FAM83G: variants seen among roughly 807,000 people sequenced by gnomAD.
The protein encoded by FAM83G is scaffolding CK1 anchoring protein G.
FAM83G carries 38 observed loss-of-function variants against 61.5 expected under a neutral mutation model. The observed-to-expected ratio is 0.62, with a 90% confidence interval of 0.48 to 0.81. The LOEUF is 0.81. Among genes scored for constraint, FAM83G ranks in the 30% least tolerant of loss-of-function variants. The probability of loss-of-function intolerance (pLI) is 0.00; values close to 1 mark genes in which losing one functional copy is unlikely to be tolerated. For missense variants in FAM83G, 989 were observed against 1,133.6 expected, an observed-to-expected ratio of 0.87 and a Z score of 1.83; for synonymous variants, 470 against 476.1, an observed-to-expected ratio of 0.99 and a Z score of 0.17.
At chr17:18,982,706 A>G (rs2043170140) in intron 3 of FAM83G, among the ~76,000 whole-genome samples, 1 of 152,176 alleles carries the variant, frequency 6.6e-6, no homozygotes, top group East Asian at 1.9e-4. Context: ...TCCAGGCCAC[A>G]TGTGCTTAAA....
At chr17:18,979,802 A>G in intron 3 of FAM83G, 129 bp from the exon 4 acceptor site, 1 of 1,060,226 alleles carries the variant, frequency 9.4e-7, no homozygotes, top group Non-Finnish European at 1.4e-6. Context: ...AAGAGGCTGT[A>G]AGGCCTGGAG....
intron 2 of FAM83G, among the ~76,000 whole-genome samples, chr17:18,993,613 C>T (rs2043487379): frequency 6.6e-6 from 1 of 152,208 alleles, no homozygotes. Context: ...ACCTGGAGCC[C>T]TGAAGCAGCC....
In FAM83G at chr17:18,977,846, C is replaced by CG. The variant is rs753077917; in HGVS notation, c.1819dup (p.Arg607ProfsTer103). On this transcript the variant is annotated frameshift_variant, in exon 5 of 6. Coordinates refer to ENST00000388995, the MANE Select transcript of FAM83G (RefSeq NM_001039999.3). LOFTEE classifies it high-confidence loss of function. ...CACAGAGGAAGCCACTGAGGGCCGT[C>CG]GGGGGCCAGGGCCACGGCCGGAGCT... 10 of 1,610,836 alleles carry CG rather than the reference C, an allele frequency of 6.2e-6. No homozygotes were observed. The highest frequency in any genetic ancestry group is 7.6e-6 in the Non-Finnish European group (9 of 1,179,358).
chr17:18,977,669 G>A lies in FAM83G; in HGVS notation c.1997C>T (p.Ser666Phe), dbSNP rs968273750. ...TCTTCCCCGACTCTGGGCCCATGGG[G>A]AGCCACCCTGGGGTCCAACAAAGGT... ...RGTFVGPQGG[S>F]PWAQSRGREE... The change falls in exon 5 of 6, where the codon TCC (serine) becomes TTC (phenylalanine). Residue 666 changes from serine (S) to phenylalanine (F), a missense_variant. Physicochemically the swap from Ser to Phe is radical, Grantham distance 155 (BLOSUM62 -2). This residue lies in a region of FAM83G where 574 missense variants were observed against 645.1 expected (regional missense o/e 0.89). Transcript: ENST00000388995. 1 of 1,610,374 alleles carries A rather than the reference G, an allele frequency of 6.2e-7. No individual in the cohort carries two copies. The highest frequency in any genetic ancestry group is 1.3e-5 in the African/African-American group (1 of 75,058).
In FAM83G at chr17:18,971,002, G is replaced by A. The variant is rs1424704787; in HGVS notation, c.*357C>T. 1 of 1,613,550 alleles carries A rather than the reference G, an allele frequency of 6.2e-7. No individual in the cohort carries two copies. Among genetic ancestry groups the A allele is most frequent in the Non-Finnish European group, 8.5e-7 (1 of 1,179,940 alleles). ...CACCAAACTGTCCCTGTTCCACCCT[G>A]ACCCCTCCAGCTTTTGACCAGATCG... On this transcript the variant is annotated 3_prime_UTR_variant, in exon 6 of 6. Coordinates refer to ENST00000388995, the MANE Select transcript of FAM83G (RefSeq NM_001039999.3). This position sits in a 1 kb window ranked among gnomAD's most constrained non-coding sequence, Gnocchi z 5.5.
intron 2 of FAM83G, among the ~76,000 whole-genome samples, chr17:18,991,128 C>T (rs2043411413): frequency 1.3e-5 from 2 of 152,226 alleles, no homozygotes; most frequent in Admixed American, 1.3e-4. Flanking sequence ...CAGAGGCATT[C>T]GCCACCTTGC....
chr17:19,003,703 C>A lies in FAM83G; in HGVS notation c.339G>T (p.Pro113=), dbSNP rs1220167076. The part of the protein sequence containing the change: ...GADGVPIEAE[P]LPSLEYWPQK... ...GGGGCCAGTACTCCAGGGAGGGCAG[C>A]GGCTCGGCCTCGATGGGGACCCCAT... The change falls in exon 2 of 6, where the codon CCG becomes CCT. Residue 113 remains proline, a synonymous_variant. Coordinates refer to ENST00000388995, the MANE Select transcript of FAM83G (RefSeq NM_001039999.3). The surrounding 1 kb of genome is among the most constrained non-coding windows in gnomAD (Gnocchi z 4.5). 1.9e-5 allele frequency: 30 copies of A among 1,605,708 alleles called. No individual in the cohort carries two copies. Among genetic ancestry groups the A allele is most frequent in the Non-Finnish European group, 2.6e-5 (30 of 1,176,104 alleles).
intron 3 of FAM83G, chr17:18,986,299 G>T (rs2043266870): frequency 6.6e-6 from 1 of 152,254 alleles, no homozygotes. Flanking sequence ...AAGGATAAGA[G>T]AAATTAATAT....
At position 18,996,390 on chromosome 17, in the gene FAM83G, G is replaced by A. The variant is rs2043573786; in HGVS notation, c.522+7130C>T. Among the ~76,000 whole-genome samples, 1 of 152,110 alleles carries A rather than the reference G, an allele frequency of 6.6e-6. No individual in the cohort carries two copies. The highest frequency in any genetic ancestry group is 1.5e-5 in the Non-Finnish European group (1 of 68,022). On this transcript the variant is annotated intron_variant, in intron 2 of 5. Transcript: ENST00000388995. The surrounding 1 kb of genome is among the most constrained non-coding windows in gnomAD (Gnocchi z 4.4). ...CCTCCTCCCCTCCAGGGGGCTGGCA[G>A]AATTAGTGACATGCCATCTGAAGAG...
rs773509730 is a variant in FAM83G, at chr17:18,971,692, G to A, written c.2139C>T (p.Gly713=). 6.2e-7 allele frequency: 1 copy of A among 1,607,940 alleles called. No individual in the cohort carries two copies. The highest frequency in any genetic ancestry group is 8.5e-7 in the Non-Finnish European group (1 of 1,176,154). Residue 713 remains glycine, a synonymous_variant, in exon 6 of 6, where the codon GGC becomes GGT. Transcript: ENST00000388995. This position sits in a 1 kb window ranked among gnomAD's most constrained non-coding sequence, Gnocchi z 5.5. The part of the protein sequence containing the change: ...VPASGTRDKD[G]FPGPPRYRSA... ...AGCGGTACCTAGGGGGTCCTGGGAAGCCGTCTTTATCCCTAGTCCCTGAGG... is the reference window on the plus strand; with the variant it reads ...AGCGGTACCTAGGGGGTCCTGGGAAACCGTCTTTATCCCTAGTCCCTGAGG...
chr17:18,988,155 C>T, intron 3 of FAM83G, 92 bp downstream of exon 3: 2 of 1,519,728 alleles, frequency 1.3e-6, no homozygotes, highest in Non-Finnish European at 1.8e-6. Context: ...GCACAGGACT[C>T]CGTCCAGAGC....
chr17:18,978,119 A>C lies in FAM83G; in HGVS notation c.1547T>G (p.Leu516Arg). 1 of 1,518,296 alleles carries C rather than the reference A, an allele frequency of 6.6e-7. No individual in the cohort carries two copies. Among genetic ancestry groups the C allele is most frequent in the Non-Finnish European group, 8.8e-7 (1 of 1,137,980 alleles). The allele number at this position is 1,518,296 out of a possible 1,614,324, so 94.1% of individuals were successfully genotyped here. A position where few individuals can be genotyped will look rare whatever the true frequency, so the allele number is the denominator to read the frequency against. The change falls in exon 5 of 6, where the codon CTA becomes CGA. Residue 516 changes from leucine (L) to arginine (R), a missense_variant. Coordinates refer to ENST00000388995, the MANE Select transcript of FAM83G (RefSeq NM_001039999.3). ...KPRTVPVADV[L>R]ARDSSDIGWV... is the part of the protein sequence containing the mutation. ...GCCAATATCACTGCTGTCCCGGGCT[A>C]GTACATCTGCCACAGGGACTGTCCG...
intron 5 of FAM83G, chr17:18,977,120 G>T (rs183581661): frequency 1.5e-6 from 2 of 1,305,884 alleles, no homozygotes; most frequent in Non-Finnish European, 2.1e-6. Flanking sequence ...GGAGTGGGGA[G>T]AGTGGTCCTC....
Position 18,969,258 on chromosome 17 carries a change from C to A in FAM83G, c.*2101G>T. On this transcript the variant is annotated 3_prime_UTR_variant, in exon 6 of 6. Coordinates refer to ENST00000388995, the MANE Select transcript of FAM83G (RefSeq NM_001039999.3). ...CGAGGGAGCAGCCCAGGAAGTGGCC[C>A]CAGCAGGAGCCCCAGAAGTTCCTCC... The A allele has an allele frequency of 6.3e-7, 1 of 1,577,896 alleles. No individual in the cohort carries two copies. Among genetic ancestry groups the A allele is most frequent in the Non-Finnish European group, 8.7e-7 (1 of 1,155,532 alleles).
intron 3 of FAM83G, among the ~76,000 whole-genome samples, chr17:18,987,342 G>A (rs1014754760): frequency 6.6e-6 from 1 of 152,218 alleles, no homozygotes; most frequent in East Asian, 1.9e-4. Flanking sequence ...AGGCTGTTGT[G>A]AGGATTAAAT....
chr17:18,998,016 A>C (rs959753093), intron 2 of FAM83G, among the ~76,000 whole-genome samples: 10 of 152,192 alleles, frequency 6.6e-5, no homozygotes, highest in Non-Finnish European at 1.2e-4. Context: ...TAAAGATAAC[A>C]CCAGAGCTGG....
rs185517676 is a variant in FAM83G at position 18,994,739 on chromosome 17, C to T, written c.523-6325G>A. Reference sequence around the variant, plus strand: ...GTTGACAAATAAGTCCTAGACCAGGCATAAGCAAACTTCCTGAAGAACCAG... The same window carrying T: ...GTTGACAAATAAGTCCTAGACCAGGTATAAGCAAACTTCCTGAAGAACCAG... On this transcript the variant is annotated intron_variant, in intron 2 of 5. Coordinates refer to ENST00000388995, the MANE Select transcript of FAM83G (RefSeq NM_001039999.3). 2.1e-4 allele frequency among the ~76,000 whole-genome samples: 32 copies of T among 152,338 alleles called. 1 individual carries two copies. In the East Asian group the frequency reaches 5.6e-3, roughly 27 times the overall value.
In FAM83G at chr17:18,970,865, ACCTT is replaced by A; in HGVS notation, c.*490_*493del. 4.5e-6 allele frequency: 3 copies of A among 672,650 alleles called. No individual in the cohort carries two copies. Among genetic ancestry groups the A allele is most frequent in the Non-Finnish European group, 7.7e-6 (3 of 388,652 alleles). 41.7% of individuals were successfully genotyped at this position (672,650 alleles called of 1,614,324 possible). Reference sequence around the variant, plus strand: ...AAAAAAAACAACCCTCTACCCTCACACCTTTCCAAACACTGGGAAAGATGAGGTG... The same window carrying A: ...AAAAAAAACAACCCTCTACCCTCACATCCAAACACTGGGAAAGATGAGGTG... On this transcript the variant is annotated 3_prime_UTR_variant, in exon 6 of 6. Transcript: ENST00000388995.
In FAM83G at chr17:18,971,384, G is replaced by A. The variant is rs368210866; in HGVS notation, c.2447C>T (p.Ala816Val). 49 of 1,613,486 alleles carry A rather than the reference G, an allele frequency of 3.0e-5. No individual in the cohort carries two copies. Among genetic ancestry groups the A allele is most frequent in the African/African-American group, 2.4e-4 (18 of 75,028 alleles). Residue 816 changes from alanine (A) to valine (V), a missense_variant, in exon 6 of 6, where the codon GCC becomes GTC. Coordinates refer to ENST00000388995, the MANE Select transcript of FAM83G (RefSeq NM_001039999.3). The surrounding 1 kb of genome is among the most constrained non-coding windows in gnomAD (Gnocchi z 5.5). ...ASSDSKRRAQ[A>V]PRDRKDP ...CTAGGGGTCTTTGCGGTCCCGGGGG[G>A]CTTGAGCCCTCCGTTTAGAATCCGA...
Sources: allele counts gnomAD v4.1 joint callset (sites outside exome capture counted in the v4.1 genomes callset), GRCh38; gene constraint gnomAD v4.1.1; regional missense constraint gnomAD v4.1.1; non-coding constraint Gnocchi (gnomAD v3.1); transcripts MANE v1.5; gene names NCBI Gene and HGNC (gene_info 2026-07-23, HGNC 2026-07-21).